Variants in MYT1L observed in about 807,000 individuals in gnomAD.
MYT1L encodes myelin transcription factor 1-like protein.
MYT1L carries 12 observed loss-of-function variants against 126.7 expected under a neutral mutation model. The observed-to-expected ratio is 0.09, with a 90% CI of 0.06 to 0.15. The LOEUF (loss-of-function observed/expected upper bound fraction) is 0.15, where lower values mean the gene tolerates loss of function less well. MYT1L is among the 10% of genes least tolerant of loss of function. The probability of loss-of-function intolerance (pLI) is 1.00; values close to 1 mark genes in which losing one functional copy is unlikely to be tolerated. For missense variants in MYT1L, 979 were observed against 1,585.2 expected (o/e 0.62, Z 6.49); for synonymous variants, 541 against 604.2 (o/e 0.90, Z 1.53).
chr2:2,257,116 C>T (rs957279546), intron 2 of MYT1L, among the ~76,000 whole-genome samples: 8 of 152,158 alleles, frequency 5.3e-5, no homozygotes, highest in Admixed American at 3.3e-4. Flanking sequence ...ACGTCCTTGT[C>T]TAAGAAGCCC....
chr2:1,867,893 CTG>C lies in MYT1L; in HGVS notation c.2712-16192_2712-16191del, dbSNP rs2045799206. 2.0e-5 allele frequency among the ~76,000 whole-genome samples: 3 copies of C among 152,132 alleles called. No individual in the cohort carries two copies. The South Asian group carries it at 6.2e-4, about 32-fold the overall frequency. The stretch of plus-strand genomic sequence containing the variant: ...TATGGCGGGAGGGTGGGGCTGCTGA[CTG>C]TGGCAAATTTCATGTTAGAAATATC... On this transcript the variant is annotated intron_variant, in intron 18 of 24. Transcript: ENST00000647738.
chr2:2,283,230 T>C (rs2095474899), intron 2 of MYT1L, among the ~76,000 whole-genome samples: 1 of 152,264 alleles, frequency 6.6e-6, no homozygotes, highest in Non-Finnish European at 1.5e-5. Context: ...TAAACCAACA[T>C]ACTAATGGTG....
chr2:1,865,324 C>CGGG (rs1558203959), intron 18 of MYT1L, among the ~76,000 whole-genome samples: 3 of 152,150 alleles, frequency 2.0e-5, no homozygotes, highest in African/African-American at 7.2e-5. Flanking sequence ...TGCGGCCGTG[C>CGGG]GGGGTTCCTG....
chr2:1,879,657 T>C (rs2047309318), intron 18 of MYT1L, among the ~76,000 whole-genome samples: 1 of 152,126 alleles, frequency 6.6e-6, no homozygotes, highest in African/African-American at 2.4e-5. Context: ...TTTAGTAATA[T>C]ATGTGTATAT....
At chr2:2,005,992 G>A (rs575989058) in intron 4 of MYT1L, among the ~76,000 whole-genome samples, 7 of 144,756 alleles carry the variant, frequency 4.8e-5, no homozygotes, top group Non-Finnish European at 7.5e-5. Context: ...TCCTGCATGC[G>A]TTCTTTCCTG....
rs546562059 is a variant in MYT1L, at chr2:2,228,576, C to G, written c.-420-55588G>C. Among the ~76,000 whole-genome samples, 2 of 152,016 alleles carry G rather than the reference C, an allele frequency of 1.3e-5. No individual in the cohort carries two copies. Among genetic ancestry groups the G allele is most frequent in the African/African-American group, 4.8e-5 (2 of 41,474 alleles). ...TATAGAAAAAGTATTTATATAAATT[C>G]TTGAGTTGAAAGATTAAAAGCAAAA... On this transcript the variant is annotated intron_variant, in intron 2 of 24. Coordinates refer to ENST00000647738, the MANE Select transcript of MYT1L (RefSeq NM_001303052.2). This position sits in a 1 kb window ranked among gnomAD's most constrained non-coding sequence, Gnocchi z 5.9.
intron 1 of MYT1L, among the ~76,000 whole-genome samples, chr2:2,287,277 C>A (rs2095535816): frequency 6.6e-6 from 1 of 152,014 alleles, no homozygotes. Flanking sequence ...TATTTGAATC[C>A]TTTTTAAAAA....
intron 1 of MYT1L, among the ~76,000 whole-genome samples, chr2:2,297,897 C>T (rs1417512972): frequency 3.3e-5 from 5 of 152,212 alleles, no homozygotes; most frequent in Admixed American, 3.3e-4. Context: ...TGCCTGAGCC[C>T]TTCATTCTTA....
chr2:2,230,522 G>A (rs2094135862), intron 2 of MYT1L, among the ~76,000 whole-genome samples: 1 of 152,216 alleles, frequency 6.6e-6, no homozygotes, highest in Admixed American at 6.5e-5. Context: ...GCTGAGTTAG[G>A]ATGGTAGCCC....
intron 2 of MYT1L, among the ~76,000 whole-genome samples, chr2:2,203,099 A>T (rs900979478): frequency 1.3e-5 from 2 of 149,234 alleles, no homozygotes; most frequent in South Asian, 4.4e-4. Flanking sequence ...CTCTCAATAA[A>T]CTAGGTATTG....
intron 2 of MYT1L, among the ~76,000 whole-genome samples, chr2:2,197,264 A>G (rs2148792540): frequency 6.6e-6 from 1 of 152,328 alleles, no homozygotes. Context: ...TTATTTATTC[A>G]ATGTTTAAGG....
intron 23 of MYT1L, among the ~76,000 whole-genome samples, chr2:1,796,742 G>A (rs1156760758): frequency 6.6e-6 from 1 of 152,122 alleles, no homozygotes; most frequent in Non-Finnish European, 1.5e-5. Flanking sequence ...TGTGCCTGGA[G>A]TGCTCCTTTC....
At chr2:1,908,118 G>T (rs1287717884) in intron 13 of MYT1L, among the ~76,000 whole-genome samples, 2 of 152,264 alleles carry the variant, frequency 1.3e-5, no homozygotes, top group South Asian at 2.1e-4. Flanking sequence ...CTGCACAGTA[G>T]TTACTCCCAG....
At chr2:2,159,484 G>A (rs972250012) in intron 3 of MYT1L, among the ~76,000 whole-genome samples, 44 of 151,988 alleles carry the variant, frequency 2.9e-4, no homozygotes, top group East Asian at 3.9e-4. Flanking sequence ...GTGGGATCTC[G>A]CCTGGCTTTC....
At chr2:1,995,266 G>C (rs1446462801) in intron 5 of MYT1L, among the ~76,000 whole-genome samples, 1 of 152,150 alleles carries the variant, frequency 6.6e-6, no homozygotes, top group Non-Finnish European at 1.5e-5. Flanking sequence ...GAAGAACCCG[G>C]AAAATGCACA....
intron 3 of MYT1L, among the ~76,000 whole-genome samples, chr2:2,066,973 G>A (rs2073958010): frequency 6.6e-6 from 1 of 152,216 alleles, no homozygotes; most frequent in East Asian, 1.9e-4. Context: ...AATCAACGGA[G>A]AGATAAACCA....
intron 2 of MYT1L, among the ~76,000 whole-genome samples, chr2:2,236,379 C>T (rs527923572): frequency 1.1e-4 from 16 of 148,668 alleles, no homozygotes; most frequent in African/African-American, 4.0e-4. Flanking sequence ...CATCCCAACC[C>T]ACCCCAGTAC....
chr2:1,796,222 A>C (rs2033466773), intron 23 of MYT1L, among the ~76,000 whole-genome samples: 1 of 152,186 alleles, frequency 6.6e-6, no homozygotes, highest in Admixed American at 6.5e-5. Flanking sequence ...CCTTTATAGA[A>C]AATGTTTGCC....
chr2:1,930,499 C>T (rs535071383), intron 9 of MYT1L, among the ~76,000 whole-genome samples: 9 of 152,298 alleles, frequency 5.9e-5, no homozygotes, highest in East Asian at 3.9e-4. Context: ...GCAATCACAA[C>T]GCTTCAAATA....
Sources: allele counts gnomAD v4.1 joint callset (sites outside exome capture counted in the v4.1 genomes callset), GRCh38; gene constraint gnomAD v4.1.1; non-coding constraint Gnocchi (gnomAD v3.1); transcripts MANE v1.5; gene names NCBI Gene and HGNC (gene_info 2026-07-23, HGNC 2026-07-21).